Variants in IQSEC2 observed in about 807,000 individuals in gnomAD.
IQSEC2 encodes the protein IQ motif and Sec7 domain ArfGEF 2, also known as IQ motif and SEC7 domain-containing protein 2.
A neutral mutation model predicts 74.6 loss-of-function variants in IQSEC2; 6 were observed. That is an observed-to-expected ratio of 0.08 (90% confidence interval 0.04 to 0.16). IQSEC2 has a LOEUF of 0.16. IQSEC2 is among the 10% of genes least tolerant of loss of function. The pLI is 1.00. For missense variants in IQSEC2, 734 were observed against 1,306.2 expected, an observed-to-expected ratio of 0.56 and a Z score of 6.75; for synonymous variants, 494 against 544.5, an observed-to-expected ratio of 0.91 and a Z score of 1.29.
At chrX:53,313,693 A>G (rs1383601151) in intron 1 of IQSEC2, among the ~76,000 whole-genome samples, 2 of 111,942 alleles carry the variant, frequency 1.8e-5, no homozygotes, top group African/African-American at 6.5e-5. Flanking sequence ...GTCTGAGCTC[A>G]AGAAAGGTTT....
chrX:53,314,155 C>T (rs1293652876), intron 1 of IQSEC2, among the ~76,000 whole-genome samples: 6 of 111,786 alleles, frequency 5.4e-5, no homozygotes, highest in African/African-American at 2.0e-4. Flanking sequence ...CAAGAGAATT[C>T]TGAAGTTGTC....
chrX:53,228,375 T>C (rs782623284), downstream of IQSEC2, among the ~76,000 whole-genome samples: 1 of 111,580 alleles, frequency 9.0e-6, no homozygotes, highest in East Asian at 2.8e-4. Flanking sequence ...AATGGGTTTG[T>C]TCCCCAAGCC....
intron 2 of IQSEC2, among the ~76,000 whole-genome samples, chrX:53,270,811 A>T (rs180729771): frequency 1.6e-4 from 17 of 105,485 alleles, no homozygotes; most frequent in African/African-American, 5.9e-4. Flanking sequence ...TGTCATCTCC[A>T]CCTCCTCCTC....
intron 2 of IQSEC2, among the ~76,000 whole-genome samples, chrX:53,280,421 G>A (rs2074934936): frequency 9.0e-6 from 1 of 110,848 alleles, no homozygotes; most frequent in Non-Finnish European, 1.9e-5. Context: ...GACAGAGAAA[G>A]GGCGAGACAG....
chrX:53,284,384 C>T (rs192904923), intron 2 of IQSEC2, among the ~76,000 whole-genome samples: 61 of 109,580 alleles, frequency 5.6e-4, no homozygotes, highest in African/African-American at 1.9e-3. Context: ...TGCACCCCAC[C>T]CAGACAGAAG....
intron 2 of IQSEC2, among the ~76,000 whole-genome samples, chrX:53,263,833 T>G (rs940296046): frequency 8.9e-6 from 1 of 112,152 alleles, no homozygotes; most frequent in South Asian, 3.7e-4. Flanking sequence ...GGTTCTCTCT[T>G]AAAGTGTCCG....
intron 2 of IQSEC2, among the ~76,000 whole-genome samples, chrX:53,284,968 C>G (rs1449900826): frequency 8.9e-6 from 1 of 112,404 alleles, no homozygotes; most frequent in Non-Finnish European, 1.9e-5. Context: ...TCCAGCCTCC[C>G]GATAAACCTT....
intron 2 of IQSEC2, among the ~76,000 whole-genome samples, chrX:53,284,962 G>GCCT (rs1170212081): frequency 8.9e-6 from 1 of 112,363 alleles, no homozygotes; most frequent in Non-Finnish European, 1.9e-5. Flanking sequence ...CACAGTTCCA[G>GCCT]CCTCCCGATA....
At chrX:53,286,241 C>CT (rs1334090447) in intron 2 of IQSEC2, among the ~76,000 whole-genome samples, 2 of 111,740 alleles carry the variant, frequency 1.8e-5, no homozygotes, top group Non-Finnish European at 3.8e-5. Context: ...TAAGAGGGCA[C>CT]TTTTAGACAA....
At chrX:53,279,581 G>C in intron 2 of IQSEC2, 1 of 1,193,327 alleles carries the variant, frequency 8.4e-7, no homozygotes, top group Non-Finnish European at 1.1e-6. Flanking sequence ...CTGCCAGCCT[G>C]CCTGAGGGGG....
chrX:53,283,438 C>T (rs1556871263), intron 2 of IQSEC2, among the ~76,000 whole-genome samples: 1 of 111,728 alleles, frequency 9.0e-6, no homozygotes, highest in Non-Finnish European at 1.9e-5. Flanking sequence ...CCTCACAGTT[C>T]TTGTAGGGAT....
chrX:53,291,933 G>C lies in IQSEC2; in HGVS notation c.708-9C>G. On this transcript the variant is annotated splice_polypyrimidine_tract_variant and intron_variant, in intron 1 of 14. Coordinates refer to ENST00000642864, the MANE Select transcript of IQSEC2 (RefSeq NM_001111125.3). Reference sequence around the variant, plus strand: ...AATTCTCACCATCAGATCTGAAAGGGAAACAGAGAAAAAAAACCAAAACGG... The same window carrying C: ...AATTCTCACCATCAGATCTGAAAGGCAAACAGAGAAAAAAAACCAAAACGG... 1 of 1,165,217 alleles carries C rather than the reference G, an allele frequency of 8.6e-7. No individual in the cohort carries two copies. Among genetic ancestry groups the C allele is most frequent in the Non-Finnish European group, 1.1e-6 (1 of 871,067 alleles).
intron 1 of IQSEC2, among the ~76,000 whole-genome samples, chrX:53,292,506 A>G (rs989586718): frequency 4.5e-5 from 5 of 112,123 alleles, no homozygotes; most frequent in Admixed American, 2.8e-4. Context: ...GGCTTTGCCA[A>G]CTGCCTGGTC....
intron 1 of IQSEC2, among the ~76,000 whole-genome samples, chrX:53,314,372 A>G (rs181520538): frequency 1.8e-5 from 2 of 112,366 alleles, no homozygotes; most frequent in South Asian, 3.7e-4. Flanking sequence ...TGCACTCAGT[A>G]TATGTCAGTT....
In IQSEC2 at chrX:53,251,104, G is replaced by C; in HGVS notation, c.1472C>G (p.Pro491Arg). The change falls in exon 5 of 15, where the codon CCA becomes CGA. Residue 491 changes from proline to arginine, a missense_variant. Pro to Arg is a moderately radical substitution (Grantham distance 103). Around this residue, in one of 12 missense-constraint regions of IQSEC2, gnomAD observed 204 missense variants for 305.4 expected, o/e 0.67. Transcript: ENST00000642864. ...CHPSGPMSEE[P>R]GSAQLEKRES... ...CCGCTTCTCCAGCTGGGCTGACCCTGGCTCCTCAGACATGGGCCCTGACGG... is the reference window on the plus strand; with the variant it reads ...CCGCTTCTCCAGCTGGGCTGACCCTCGCTCCTCAGACATGGGCCCTGACGG... 1 of 1,212,051 alleles carries C rather than the reference G, an allele frequency of 8.3e-7. No homozygotes were observed. Among genetic ancestry groups the C allele is most frequent in the African/African-American group, 1.7e-5 (1 of 57,873 alleles).
intron 1 of IQSEC2, among the ~76,000 whole-genome samples, chrX:53,306,051 C>T (rs191568981): frequency 3.5e-5 from 4 of 112,799 alleles, no homozygotes; most frequent in Non-Finnish European, 5.6e-5. Context: ...TGCCTTCTCT[C>T]CTCTCTCTGC....
chrX:53,261,664 ACACACT>A (rs1251732066), intron 2 of IQSEC2, among the ~76,000 whole-genome samples: 1 of 111,431 alleles, frequency 9.0e-6, no homozygotes, highest in African/African-American at 3.3e-5. Context: ...AACCACACAC[ACACACT>A]CACACACACA....
chrX:53,268,013 T>C (rs782236430), intron 2 of IQSEC2, among the ~76,000 whole-genome samples: 184 of 111,785 alleles, frequency 1.6e-3, no homozygotes, highest in Non-Finnish European at 3.0e-3. Context: ...CAAGCACCTA[T>C]CCCTAGGGTG....
chrX:53,241,848 G>C lies in IQSEC2; in HGVS notation c.2951C>G (p.Pro984Arg). 3.3e-6 allele frequency: 4 copies of C among 1,211,198 alleles called. No homozygotes were observed. The highest frequency in any genetic ancestry group is 4.5e-6 in the Non-Finnish European group (4 of 895,109). ...CCCQLYEVPD[P>R]NRPQRLGLHQ... ...CAACCCTAGCCTCTGGGGGCGGTTT[G>C]GATCTGGCACCTCGTAGAGCTGGCA... is the stretch of plus-strand genomic sequence containing the variant. The change falls in exon 10 of 15, where the codon CCA becomes CGA. Residue 984 changes from proline (P) to arginine (R), a missense_variant. Transcript: ENST00000642864.
Sources: gnomAD v4.1 joint callset for allele counts (sites outside exome capture counted in the v4.1 genomes callset) on GRCh38, gnomAD v4.1.1 for gene constraint, gnomAD v4.1.1 regional missense constraint, MANE v1.5 for transcripts, NCBI Gene and HGNC (gene_info 2026-07-23, HGNC 2026-07-21) for gene names.